The following GALNT13 variants were observed in gnomAD, a reference collection of about 807,000 sequenced individuals.
The protein encoded by GALNT13 is polypeptide N-acetylgalactosaminyltransferase 13.
A neutral mutation model predicts 64.2 loss-of-function variants in GALNT13; 28 were observed. The ratio of observed to expected loss-of-function variants is 0.44; its 90% CI spans 0.32 to 0.60. GALNT13 has a LOEUF of 0.60. Among genes scored for constraint, GALNT13 ranks in the 20% least tolerant of loss-of-function variants. GALNT13 has a pLI of 0.05. For synonymous variants in GALNT13, 214 were observed against 224.6 expected, an observed-to-expected ratio of 0.95 and a Z score of 0.42; for missense variants, 577 against 669.8, an observed-to-expected ratio of 0.86 and a Z score of 1.53.
intron 4 of GALNT13, among the ~76,000 whole-genome samples, chr2:154,197,976 AT>A (rs1489208317): frequency 6.6e-6 from 1 of 152,106 alleles, no homozygotes; most frequent in African/African-American, 2.4e-5. Flanking sequence ...TTTTATATTC[AT>A]CAGATTCACA....
intron 2 of GALNT13, among the ~76,000 whole-genome samples, chr2:153,943,775 G>A (rs1002737520): frequency 1.3e-5 from 2 of 152,178 alleles, no homozygotes; most frequent in Admixed American, 6.5e-5. Flanking sequence ...GATTACAGGC[G>A]TGAGCCGCCG....
chr2:153,630,262 T>C, the GALNT13 span, among the ~76,000 whole-genome samples: 3 of 151,698 alleles, frequency 2.0e-5, no homozygotes, highest in African/African-American at 4.8e-5. Context: ...TGTCCAACAA[T>C]GATAGACTGG....
chr2:153,643,653 A>G, the GALNT13 span, among the ~76,000 whole-genome samples: 1 of 151,918 alleles, frequency 6.6e-6, no homozygotes, highest in Non-Finnish European at 1.5e-5. Flanking sequence ...TTAGAAAAAA[A>G]GAGTAGACAT....
At chr2:153,889,617 G>T (rs1687416813) in intron 1 of GALNT13, among the ~76,000 whole-genome samples, 1 of 151,912 alleles carries the variant, frequency 6.6e-6, no homozygotes, top group Non-Finnish European at 1.5e-5. Flanking sequence ...CTTTTATTTG[G>T]CCAGAGGCCT....
chr2:153,884,819 GTATATATA>G (rs754326579), intron 1 of GALNT13, among the ~76,000 whole-genome samples: 2 of 109,808 alleles, frequency 1.8e-5, no homozygotes, highest in African/African-American at 8.6e-5. Flanking sequence ...GTGTGTGTGT[GTATATATA>G]TGTGTGTGTG....
chr2:153,464,737 G>A, the GALNT13 span, among the ~76,000 whole-genome samples: 1 of 152,044 alleles, frequency 6.6e-6, no homozygotes, highest in African/African-American at 2.4e-5. Context: ...GTTTAAGGGT[G>A]ATATCACCTA....
the GALNT13 span, among the ~76,000 whole-genome samples, chr2:153,299,642 A>G: frequency 1.3e-5 from 2 of 152,200 alleles, no homozygotes; most frequent in Non-Finnish European, 2.9e-5. Flanking sequence ...TGGAAAACCC[A>G]ATGGGAAGCC....
the GALNT13 span, among the ~76,000 whole-genome samples, chr2:153,358,265 T>C: frequency 1.4e-4 from 22 of 152,322 alleles, no homozygotes; most frequent in South Asian, 4.3e-3. Context: ...TGTATGTCTT[T>C]ATCAACTTTA....
the GALNT13 span, among the ~76,000 whole-genome samples, chr2:153,403,701 T>G: frequency 6.6e-6 from 1 of 152,192 alleles, no homozygotes; most frequent in African/African-American, 2.4e-5. Flanking sequence ...CCAGGTGCTG[T>G]CCGTCACCCC....
At chr2:154,236,073 G>T (rs1195701440) in intron 4 of GALNT13, 3 of 1,233,184 alleles carry the variant, frequency 2.4e-6, no homozygotes, top group Middle Eastern at 2.3e-4. Context: ...CAGCATTAGT[G>T]TACATCCAGA....
the GALNT13 span, among the ~76,000 whole-genome samples, chr2:153,193,568 C>T: frequency 6.6e-6 from 1 of 151,596 alleles, no homozygotes; most frequent in Non-Finnish European, 1.5e-5. Context: ...GCACAATGTG[C>T]ACATGTACCC....
chr2:154,044,690 T>A (rs1340010444), intron 3 of GALNT13, among the ~76,000 whole-genome samples: 1 of 152,206 alleles, frequency 6.6e-6, no homozygotes, highest in South Asian at 2.1e-4. Context: ...ATTTAATGAT[T>A]TATTGCAGAC....
the GALNT13 span, among the ~76,000 whole-genome samples, chr2:153,714,321 C>T: frequency 2.1e-4 from 32 of 152,182 alleles, no homozygotes; most frequent in African/African-American, 6.7e-4. Context: ...TCAAAGAGTT[C>T]TCAAAGTCAG....
Position 154,224,395 on chromosome 2 carries a change from C to T in GALNT13, c.312-17635C>T, listed in dbSNP as rs112098314. Among the ~76,000 whole-genome samples, 814 of 151,834 alleles carry T rather than the reference C, an allele frequency of 5.4e-3. 11 individuals carry two copies. Among genetic ancestry groups the T allele is most frequent in the African/African-American group, 0.019 (768 of 41,438 alleles). ...ACGTCAAAATTTAGGGAGGAGTGTG[C>T]CTATACTCTGATAAGCATAAAACAT... On this transcript the variant is annotated intron_variant, in intron 4 of 12. Transcript: ENST00000392825.
the GALNT13 span, among the ~76,000 whole-genome samples, chr2:153,744,573 C>T: frequency 6.6e-6 from 1 of 152,160 alleles, no homozygotes; most frequent in African/African-American, 2.4e-5. Context: ...TTTCCTCTCT[C>T]TTAGCTCCGT....
intron 8 of GALNT13, among the ~76,000 whole-genome samples, chr2:154,285,037 C>A (rs1033251849): frequency 2.0e-5 from 3 of 151,912 alleles, no homozygotes; most frequent in Admixed American, 2.0e-4. Context: ...TGAGAATTAT[C>A]TGTTCAGATC....
chr2:153,329,681 C>T, the GALNT13 span, among the ~76,000 whole-genome samples: 3,074 of 152,210 alleles, frequency 0.02, 113 homozygotes, highest in African/African-American at 0.07. Context: ...ATATTATACC[C>T]TTGTTGATAC....
chr2:154,290,535 A>C (rs140388852), intron 8 of GALNT13, among the ~76,000 whole-genome samples: 60 of 152,296 alleles, frequency 3.9e-4, no homozygotes, highest in African/African-American at 1.4e-3. Flanking sequence ...TTTATTGGCT[A>C]TGTAGGTTCC....
chr2:153,801,103 G>C, the GALNT13 span, among the ~76,000 whole-genome samples: 2 of 152,108 alleles, frequency 1.3e-5, no homozygotes, highest in Non-Finnish European at 2.9e-5. Context: ...TTAGGGCTGT[G>C]TTCTGGATTA....
Sources: allele counts gnomAD v4.1 joint callset (sites outside exome capture counted in the v4.1 genomes callset), GRCh38; gene constraint gnomAD v4.1.1; transcripts MANE v1.5; gene names NCBI Gene and HGNC (gene_info 2026-07-23, HGNC 2026-07-21).